Variants in SYCP1 observed in about 807,000 individuals in gnomAD.
SYCP1 encodes the protein synaptonemal complex protein 1, also known as cancer/testis antigen 8.
A neutral mutation model predicts 153.1 loss-of-function variants in SYCP1; 64 were observed. The ratio of observed to expected loss-of-function variants is 0.42; its 90% CI spans 0.34 to 0.51. The LOEUF is 0.51. Among genes scored for constraint, SYCP1 ranks in the 20% least tolerant of loss-of-function variants. SYCP1 has a pLI of 0.06. For missense variants in SYCP1, 997 were observed against 1,049.0 expected (o/e 0.95, Z 0.68); for synonymous variants, 384 against 341.8 (o/e 1.12, Z -1.36).
At chr1:114,967,605 A>T (rs1034945323) in intron 27 of SYCP1, among the ~76,000 whole-genome samples, 2 of 152,186 alleles carry the variant, frequency 1.3e-5, no homozygotes, top group African/African-American at 2.4e-5. Context: ...TCCTGAATAC[A>T]GCACACCGAT....
chr1:114,945,516 G>A (rs1670653413), intron 25 of SYCP1, among the ~76,000 whole-genome samples: 1 of 151,346 alleles, frequency 6.6e-6, no homozygotes, highest in African/African-American at 2.4e-5. Flanking sequence ...AAAAAAAAAA[G>A]CTGCTGGAAT....
At chr1:114,937,184 T>C (rs1670071370) in intron 23 of SYCP1, among the ~76,000 whole-genome samples, 1 of 152,184 alleles carries the variant, frequency 6.6e-6, no homozygotes, top group Non-Finnish European at 1.5e-5. Flanking sequence ...ATGGTACTTG[T>C]ACCAAAACAG....
chr1:114,974,128 C>A lies in SYCP1; in HGVS notation c.2323-3429C>A, dbSNP rs138138414. Reference sequence around the variant, plus strand: ...TATTAACCTTGATTGAATCTGTAATCCAAGAGTCTTTTTTTGACTAATAGG... The same window carrying A: ...TATTAACCTTGATTGAATCTGTAATACAAGAGTCTTTTTTTGACTAATAGG... On this transcript the variant is annotated intron_variant, in intron 27 of 31. Coordinates refer to ENST00000369522, the MANE Select transcript of SYCP1 (RefSeq NM_003176.4). Among the ~76,000 whole-genome samples, 157 of 151,746 alleles carry A rather than the reference C, an allele frequency of 1.0e-3. 2 individuals carry two copies. The highest frequency in any genetic ancestry group is 3.7e-3 in the African/African-American group (152 of 41,478).
At chr1:114,889,140 A>G (rs917532737) in intron 15 of SYCP1, among the ~76,000 whole-genome samples, 4 of 152,034 alleles carry the variant, frequency 2.6e-5, no homozygotes, top group African/African-American at 9.7e-5. Context: ...AGTCTTTGCT[A>G]TTGTGAATAG....
chr1:114,916,891 A>G (rs944910470), intron 20 of SYCP1, among the ~76,000 whole-genome samples: 4 of 152,020 alleles, frequency 2.6e-5, no homozygotes, highest in Non-Finnish European at 5.9e-5. Flanking sequence ...GTAGGTATAT[A>G]TAAGTATGGG....
At chr1:114,873,715 A>G (rs1434639355) in intron 8 of SYCP1, among the ~76,000 whole-genome samples, 2 of 152,178 alleles carry the variant, frequency 1.3e-5, no homozygotes, top group Admixed American at 6.5e-5. Flanking sequence ...TTAAACTCAC[A>G]AGAATCTGGG....
At chr1:114,947,011 A>G in intron 26 of SYCP1, among the ~76,000 whole-genome samples, 1 of 152,172 alleles carries the variant, frequency 6.6e-6, no homozygotes, top group East Asian at 1.9e-4. Context: ...CTCCCAGGGA[A>G]GTGCTGGGAT....
upstream of SYCP1, among the ~76,000 whole-genome samples, chr1:114,854,585 T>C (rs1339949228): frequency 6.6e-6 from 1 of 152,196 alleles, no homozygotes; most frequent in African/African-American, 2.4e-5. Flanking sequence ...TATAGGACAT[T>C]TTAATTGTTT....
chr1:114,938,801 A>G (rs908523591), intron 23 of SYCP1, among the ~76,000 whole-genome samples: 13 of 152,166 alleles, frequency 8.5e-5, no homozygotes, highest in African/African-American at 2.9e-4. Flanking sequence ...GCCAATAAGC[A>G]CATAAAAATG....
chr1:114,880,249 A>G (rs1419918419), intron 12 of SYCP1, among the ~76,000 whole-genome samples: 1 of 152,208 alleles, frequency 6.6e-6, no homozygotes, highest in Admixed American at 6.5e-5. Flanking sequence ...AACTCTTTTC[A>G]TCTTGCAAAA....
intron 8 of SYCP1, among the ~76,000 whole-genome samples, chr1:114,869,291 G>C (rs761215571): frequency 4.6e-5 from 7 of 152,100 alleles, no homozygotes; most frequent in Non-Finnish European, 8.8e-5. Context: ...CTTTGACTCA[G>C]GTGGTATTTA....
chr1:114,934,995 C>G (rs1217556249), intron 23 of SYCP1, among the ~76,000 whole-genome samples: 1 of 152,106 alleles, frequency 6.6e-6, no homozygotes, highest in East Asian at 1.9e-4. Context: ...TTAGACAGAT[C>G]AATGAGACAG....
At chr1:114,947,811 CAAAAAAAAAAAAAAAA>C (rs1174716918) in intron 27 of SYCP1, among the ~76,000 whole-genome samples, 2 of 43,882 alleles carry the variant, frequency 4.6e-5, no homozygotes, top group East Asian at 8.4e-4. Context: ...GACTCCGTCT[CAAAAAAAAAAAAAAAA>C]AAAAAAAAAA....
intron 15 of SYCP1, among the ~76,000 whole-genome samples, chr1:114,893,859 C>T (rs1323678817): frequency 6.6e-6 from 1 of 151,978 alleles, no homozygotes; most frequent in Non-Finnish European, 1.5e-5. Context: ...CCTCATCTGC[C>T]ACCCAAATTC....
intron 20 of SYCP1, among the ~76,000 whole-genome samples, chr1:114,915,430 G>T (rs993005261): frequency 2.0e-5 from 3 of 152,162 alleles, no homozygotes; most frequent in African/African-American, 7.2e-5. Context: ...TAAAAGCAAG[G>T]CTTTGTGCAG....
intron 16 of SYCP1, among the ~76,000 whole-genome samples, chr1:114,905,401 A>G (rs1053449662): frequency 2.6e-5 from 4 of 152,178 alleles, no homozygotes; most frequent in Non-Finnish European, 5.9e-5. Flanking sequence ...CCCAGACCCA[A>G]GGATTATATA....
chr1:114,960,459 C>T (rs1391179655), intron 27 of SYCP1, among the ~76,000 whole-genome samples: 7 of 152,170 alleles, frequency 4.6e-5, no homozygotes, highest in Non-Finnish European at 1.0e-4. Context: ...TGAGCCACCA[C>T]GCCCAGCCTA....
At chr1:114,966,817 CG>C (rs1193453083) in intron 27 of SYCP1, among the ~76,000 whole-genome samples, 1 of 151,644 alleles carries the variant, frequency 6.6e-6, no homozygotes, top group Non-Finnish European at 1.5e-5. Flanking sequence ...CCCAAGTAGC[CG>C]GGACTACAGG....
chr1:114,960,109 A>T (rs1036798003), intron 27 of SYCP1, among the ~76,000 whole-genome samples: 1 of 148,896 alleles, frequency 6.7e-6, no homozygotes, highest in African/African-American at 2.5e-5. Flanking sequence ...TATACCTAGC[A>T]GTGGGATGGC....
Sources: allele counts gnomAD v4.1 joint callset (sites outside exome capture counted in the v4.1 genomes callset), GRCh38; gene constraint gnomAD v4.1.1; transcripts MANE v1.5; gene names NCBI Gene and HGNC (gene_info 2026-07-23, HGNC 2026-07-21).